Variants in SLC2A7 observed in about 807,000 individuals in gnomAD.
SLC2A7 encodes solute carrier family 2, facilitated glucose transporter member 7.
Under a neutral mutation model 50.5 loss-of-function variants are expected in SLC2A7, and 50 were observed. The ratio of observed to expected loss-of-function variants is 0.99; its 90% CI spans 0.79 to 1.25. The LOEUF is 1.25. Ranked by LOEUF, SLC2A7 falls within the 50% of genes most tolerant of loss-of-function variation. SLC2A7 has a pLI of 0.00. For synonymous variants in SLC2A7, 308 were observed against 300.4 expected (o/e 1.03, Z -0.26); for missense variants, 683 against 679.1 (o/e 1.01, Z -0.06).
At chr1:9,021,793 G>A (rs1315297821) in intron 3 of SLC2A7, among the ~76,000 whole-genome samples, 1 of 152,146 alleles carries the variant, frequency 6.6e-6, no homozygotes, top group African/African-American at 2.4e-5. Flanking sequence ...GGGGAGGCTG[G>A]GGCTGTCAGG....
rs762250021 is a variant in SLC2A7 at position 9,023,081 on chromosome 1, G to A, written c.151-3C>T. ...TCGTTGTAAAATGACTTGAAGACCT[G>A]GAAAACATTGCCCCATCCACAGCTA... On this transcript the variant is annotated splice_polypyrimidine_tract_variant and splice_region_variant and intron_variant, in intron 2 of 11. Coordinates refer to ENST00000400906, the MANE Select transcript of SLC2A7 (RefSeq NM_207420.3). 19 of 1,612,470 alleles carry A rather than the reference G, an allele frequency of 1.2e-5. No homozygotes were observed. Among genetic ancestry groups the A allele is most frequent in the Non-Finnish European group, 1.6e-5 (19 of 1,178,900 alleles).
the SLC2A7 span, among the ~76,000 whole-genome samples, chr1:8,996,819 T>G: frequency 6.6e-6 from 1 of 152,110 alleles, no homozygotes; most frequent in Non-Finnish European, 1.5e-5. Flanking sequence ...TTCGCTCTTG[T>G]TGCTGGAGGG....
At chr1:9,007,970 C>T (rs116761970) in intron 9 of SLC2A7, among the ~76,000 whole-genome samples, 3 of 152,022 alleles carry the variant, frequency 2.0e-5, no homozygotes, top group East Asian at 1.9e-4. Context: ...CCATGAGGAA[C>T]CTTAGTCCCT....
downstream of SLC2A7, among the ~76,000 whole-genome samples, chr1:9,001,203 G>A (rs1640567888): frequency 1.3e-5 from 2 of 152,216 alleles, no homozygotes; most frequent in South Asian, 2.1e-4. Flanking sequence ...AGGCTCATTC[G>A]AGCTGGGTTT....
chr1:8,994,661 G>A, the SLC2A7 span, among the ~76,000 whole-genome samples: 20 of 152,266 alleles, frequency 1.3e-4, no homozygotes, highest in Admixed American at 7.2e-4. Context: ...CCATGCAACT[G>A]CCTAGGAAAG....
At position 9,007,588 on chromosome 1, in the gene SLC2A7, C is replaced by G. The variant is rs534629748; in HGVS notation, c.1117-203G>C. 2.6e-5 allele frequency among the ~76,000 whole-genome samples: 4 copies of G among 152,324 alleles called. No individual in the cohort carries two copies. In the East Asian group the frequency reaches 7.7e-4, roughly 29 times the overall value. Reference sequence around the variant, plus strand: ...TAGCCTCCCACAGGGCTCCCTCCAGCCTCACCTGATGAGCGTCATGGAGAA... The same window carrying G: ...TAGCCTCCCACAGGGCTCCCTCCAGGCTCACCTGATGAGCGTCATGGAGAA... On this transcript the variant is annotated intron_variant, in intron 9 of 11. Coordinates refer to ENST00000400906, the MANE Select transcript of SLC2A7 (RefSeq NM_207420.3).
Position 9,003,183 on chromosome 1 carries a change from A to T in SLC2A7, c.*117T>A. On this transcript the variant is annotated 3_prime_UTR_variant, in exon 12 of 12. Transcript: ENST00000400906. The stretch of plus-strand genomic sequence containing the variant: ...TTTAATAATATCCATAATTAAGTTA[A>T]ATGGGGGCAACGACAAAAGCCTCCG... The T allele has an allele frequency of 1.2e-6, 1 of 825,184 alleles. No homozygotes were observed. Among genetic ancestry groups the T allele is most frequent in the Non-Finnish European group, 1.9e-6 (1 of 524,346 alleles). 51.1% of individuals were successfully genotyped at this position (825,184 alleles called of 1,614,324 possible).
downstream of SLC2A7, among the ~76,000 whole-genome samples, chr1:9,002,466 C>A (rs1640588926): frequency 6.6e-6 from 1 of 152,168 alleles, no homozygotes; most frequent in Non-Finnish European, 1.5e-5. Context: ...TGTGTAAAGT[C>A]AAACATAACT....
downstream of SLC2A7, among the ~76,000 whole-genome samples, chr1:9,000,111 A>G (rs4908803): frequency 0.33 from 50,317 of 152,066 alleles, 8,824 homozygotes; most frequent in East Asian, 0.63. Context: ...AGACCCAAAG[A>G]AAGATATTGA....
intron 3 of SLC2A7, among the ~76,000 whole-genome samples, chr1:9,021,215 G>A (rs1640907909): frequency 6.6e-6 from 1 of 152,154 alleles, no homozygotes; most frequent in African/African-American, 2.4e-5. Context: ...TCACCATGTT[G>A]GCCTGGCTGG....
At chr1:8,999,651 C>G (rs116903707), downstream of SLC2A7, among the ~76,000 whole-genome samples, 51 of 152,334 alleles carry the variant, frequency 3.3e-4, no homozygotes, top group East Asian at 9.6e-3. Flanking sequence ...CCTGGACACT[C>G]CCTTCTGTGG....
At chr1:8,997,700 C>T in the SLC2A7 span, among the ~76,000 whole-genome samples, 2 of 152,126 alleles carry the variant, frequency 1.3e-5, no homozygotes, top group Non-Finnish European at 2.9e-5. Flanking sequence ...GCCCGGCCAG[C>T]TTTGAGACTT....
chr1:9,011,037 A>C (rs1482377137), intron 8 of SLC2A7, among the ~76,000 whole-genome samples: 1 of 151,892 alleles, frequency 6.6e-6, no homozygotes, highest in African/African-American at 2.4e-5. Context: ...CTGCCCTAAC[A>C]CCCTGGGGGC....
At chr1:9,021,258 C>T (rs906306646) in intron 3 of SLC2A7, among the ~76,000 whole-genome samples, 1 of 152,170 alleles carries the variant, frequency 6.6e-6, no homozygotes, top group Admixed American at 6.5e-5. Context: ...GATTGGCTCA[C>T]CTCAGCCTCC....
At chr1:9,013,407 C>A in intron 8 of SLC2A7, 118 bp downstream of exon 8, 2 of 753,692 alleles carry the variant, frequency 2.7e-6, no homozygotes, top group Non-Finnish European at 4.3e-6. Flanking sequence ...GTCCATGTCC[C>A]TTAAATGACC....
downstream of SLC2A7, among the ~76,000 whole-genome samples, chr1:9,000,882 G>A (rs191993711): frequency 6.6e-6 from 1 of 151,942 alleles, no homozygotes; most frequent in Admixed American, 6.6e-5. Context: ...CAGCACCAGC[G>A]ATCAGAAGCG....
At chr1:9,013,793 G>T (rs1348465551) in intron 7 of SLC2A7, among the ~76,000 whole-genome samples, 158 bp from the exon 8 acceptor site, 1 of 152,232 alleles carries the variant, frequency 6.6e-6, no homozygotes, top group Non-Finnish European at 1.5e-5. Flanking sequence ...CTGACCTGGA[G>T]TCGGGACACC....
intron 10 of SLC2A7, among the ~76,000 whole-genome samples, chr1:9,005,537 C>T (rs892243706): frequency 5.3e-5 from 8 of 152,058 alleles, no homozygotes; most frequent in Admixed American, 3.9e-4. Flanking sequence ...TTCCCACCCC[C>T]GCTTAGGTGG....
Position 9,024,960 on chromosome 1 carries a change from C to G in SLC2A7, c.150+16G>C. 6.2e-7 allele frequency: 1 copy of G among 1,613,434 alleles called. No homozygotes were observed. Among genetic ancestry groups the G allele is most frequent in the Non-Finnish European group, 8.5e-7 (1 of 1,179,512 alleles). On this transcript the variant is annotated intron_variant, in intron 2 of 11. Transcript: ENST00000400906. ...CAGCTGCTGCCCGGCCCACCTTGTG[C>G]CCACCTTGTGCCCACCTTGTGCGGC...
Sources: allele counts gnomAD v4.1 joint callset (sites outside exome capture counted in the v4.1 genomes callset), GRCh38; gene constraint gnomAD v4.1.1; transcripts MANE v1.5; gene names NCBI Gene and HGNC (gene_info 2026-07-23, HGNC 2026-07-21).